The following AMPD3 variants were observed in gnomAD, a reference collection of about 807,000 sequenced individuals.
AMPD3 encodes adenosine monophosphate deaminase 3, also known as AMP deaminase 3.
A neutral mutation model predicts 82.3 loss-of-function variants in AMPD3; 57 were observed. That is an observed-to-expected ratio of 0.69 (90% CI 0.56 to 0.86). AMPD3 has a LOEUF of 0.86. Among genes scored for constraint, AMPD3 ranks in the 40% least tolerant of loss-of-function variants. AMPD3 has a pLI of 0.00. For synonymous variants in AMPD3, 381 were observed against 394.7 expected, an observed-to-expected ratio of 0.97 and a Z score of 0.41; for missense variants, 870 against 1,003.8, an observed-to-expected ratio of 0.87 and a Z score of 1.80.
At chr11:10,467,328 C>G (rs6484302) in intron 2 of AMPD3, among the ~76,000 whole-genome samples, 2 of 151,884 alleles carry the variant, frequency 1.3e-5, no homozygotes, top group East Asian at 3.9e-4. Context: ...CATAAATGAC[C>G]TGATGGAGCA....
chr11:10,483,094 G>T (rs1564847944), intron 4 of AMPD3, among the ~76,000 whole-genome samples: 1 of 152,186 alleles, frequency 6.6e-6, no homozygotes, highest in Non-Finnish European at 1.5e-5. Context: ...GGATTAAACA[G>T]GAGAATGCAT....
In AMPD3 at chr11:10,507,261, G is replaced by T. The variant is rs554292702; in HGVS notation, c.*1377G>T. On this transcript the variant is annotated 3_prime_UTR_variant, in exon 15 of 15. Transcript: ENST00000396553. ...TTTTGAATCATTATAGTTAGAAGAA[G>T]AATCCAGTTTCTGCCTGTGAACTTA... 1.2e-4 allele frequency: 18 copies of T among 152,098 alleles called. No homozygotes were observed. The highest frequency in any genetic ancestry group is 6.5e-4 in the Admixed American group (10 of 15,280). 9.4% of individuals were successfully genotyped at this position (152,098 alleles called of 1,614,324 possible). A position where few individuals can be genotyped will look rare whatever the true frequency, so the allele number is the denominator to read the frequency against.
At position 10,485,057 on chromosome 11, in the gene AMPD3, C is replaced by T. The variant is rs757422669; in HGVS notation, c.809+18C>T. On this transcript the variant is annotated intron_variant, in intron 5 of 14. Coordinates refer to ENST00000396553, the MANE Select transcript of AMPD3 (RefSeq NM_001025389.2). ...GGCCCCACGTAAGCTAGCTTCTCCGCGGCTGCCTGTCTTTGCACAGGTGCT... is the reference window on the plus strand; with the variant it reads ...GGCCCCACGTAAGCTAGCTTCTCCGTGGCTGCCTGTCTTTGCACAGGTGCT... 31 of 1,604,284 alleles carry T rather than the reference C, an allele frequency of 1.9e-5. No individual in the cohort carries two copies. The highest frequency in any genetic ancestry group is 2.0e-4 in the Middle Eastern group (1 of 5,092).
At chr11:10,487,079 G>T (rs1368115395) in intron 5 of AMPD3, 156 bp from the exon 6 acceptor site, 3 of 958,782 alleles carry the variant, frequency 3.1e-6, no homozygotes, top group South Asian at 4.8e-5. Context: ...TGACTCAACA[G>T]TTCAGCAGGG....
intron 1 of AMPD3, chr11:10,460,846 G>C: frequency 1.0e-6 from 1 of 975,334 alleles, no homozygotes. Flanking sequence ...TAAGGAATCA[G>C]TATGCGAGGA....
chr11:10,469,328 C>G (rs1257995836), intron 2 of AMPD3, among the ~76,000 whole-genome samples: 1 of 152,050 alleles, frequency 6.6e-6, no homozygotes, highest in Non-Finnish European at 1.5e-5. Context: ...CCACTGATCC[C>G]ACAGAAATAC....
At chr11:10,491,223 G>A (rs192457673) in intron 6 of AMPD3, among the ~76,000 whole-genome samples, 40 of 152,226 alleles carry the variant, frequency 2.6e-4, no homozygotes, top group Admixed American at 2.0e-3. Flanking sequence ...GTCCTCCCCC[G>A]GAGCTCCCAT....
At chr11:10,491,146 C>T (rs865900952) in intron 6 of AMPD3, among the ~76,000 whole-genome samples, 22 of 152,206 alleles carry the variant, frequency 1.4e-4, no homozygotes, top group African/African-American at 3.6e-4. Context: ...AGCGCCCAGT[C>T]GGCCGCAGCA....
intron 14 of AMPD3, among the ~76,000 whole-genome samples, chr11:10,504,882 C>T (rs1278061136): frequency 6.6e-6 from 1 of 152,220 alleles, no homozygotes; most frequent in African/African-American, 2.4e-5. Context: ...CCCTGATCGC[C>T]CATTCTAAAA....
At chr11:10,458,398 G>C (rs1848165039) in intron 1 of AMPD3, among the ~76,000 whole-genome samples, 1 of 151,796 alleles carries the variant, frequency 6.6e-6, no homozygotes, top group African/African-American at 2.4e-5. Flanking sequence ...TTTTCATAGA[G>C]TCTTAAGTCT....
At chr11:10,465,001 C>G (rs1421919877) in intron 2 of AMPD3, among the ~76,000 whole-genome samples, 1 of 152,200 alleles carries the variant, frequency 6.6e-6, no homozygotes, top group African/African-American at 2.4e-5. Flanking sequence ...AGCCCTGTCA[C>G]TTACTACTGA....
At chr11:10,481,896 G>C (rs898529818) in intron 3 of AMPD3, 167 bp from the exon 4 acceptor site, 11 of 792,730 alleles carry the variant, frequency 1.4e-5, no homozygotes, top group Non-Finnish European at 2.4e-5. Context: ...TGTACAAGTA[G>C]TTTAGGTGCA....
At chr11:10,461,869 C>A in intron 2 of AMPD3, 129 bp downstream of exon 2, 1 of 870,676 alleles carries the variant, frequency 1.1e-6, no homozygotes, top group Non-Finnish European at 1.9e-6. Flanking sequence ...GGTTCCTTAA[C>A]CAAGACCACT....
chr11:10,505,088 T>G (rs759193603), intron 14 of AMPD3: 50 of 983,868 alleles, frequency 5.1e-5, no homozygotes, highest in Admixed American at 6.2e-5. Flanking sequence ...CAATATTTCT[T>G]GAATAGATGA....
Position 10,455,366 on chromosome 11 carries a change from G to T in AMPD3, c.-88G>T, listed in dbSNP as rs28403593. The T allele has an allele frequency of 0.19, 187,413 of 985,312 alleles. 18,657 individuals carry two copies. Among genetic ancestry groups the T allele is most frequent in the Non-Finnish European group, 0.2 (166,769 of 829,944 alleles). The allele number at this position is 985,312 out of a possible 1,614,324, so 61.0% of individuals were successfully genotyped here. A position where few individuals can be genotyped will look rare whatever the true frequency, so the allele number is the denominator to read the frequency against. On this transcript the variant is annotated 5_prime_UTR_variant, in exon 1 of 15. Coordinates refer to ENST00000396553, the MANE Select transcript of AMPD3 (RefSeq NM_001025389.2). Reference sequence around the variant, plus strand: ...GGATTGCTCCTGTGGGTCACTTGAGGCAGGCTCCACCTTCCCCAGGAGGAG... The same window carrying T: ...GGATTGCTCCTGTGGGTCACTTGAGTCAGGCTCCACCTTCCCCAGGAGGAG...
intron 2 of AMPD3, chr11:10,473,637 T>G: frequency 6.2e-6 from 6 of 973,174 alleles, no homozygotes; most frequent in Non-Finnish European, 7.3e-6. Context: ...GAGTGATCTC[T>G]GTGCGCCCCT....
At chr11:10,466,639 C>T (rs953437374) in intron 2 of AMPD3, among the ~76,000 whole-genome samples, 1 of 152,220 alleles carries the variant, frequency 6.6e-6, no homozygotes, top group Non-Finnish European at 1.5e-5. Context: ...ATGTCCCTGC[C>T]TGACAGCTCT....
chr11:10,463,829 T>C (rs1037477899), intron 2 of AMPD3, among the ~76,000 whole-genome samples: 1 of 152,218 alleles, frequency 6.6e-6, no homozygotes, highest in Non-Finnish European at 1.5e-5. Context: ...TTAGTTTGCA[T>C]CTGTCTGCGC....
chr11:10,506,177 G>T lies in AMPD3; in HGVS notation c.*293G>T. ...TCTTGAAACTGCCAGTGCCTGAACT[G>T]TTGGGGCCAGGATTTTCCCTGGTCA... On this transcript the variant is annotated 3_prime_UTR_variant, in exon 15 of 15. Transcript: ENST00000396553. The surrounding 1 kb of genome is among the most constrained non-coding windows in gnomAD (Gnocchi z 4.1). 2.4e-6 allele frequency: 1 copy of T among 422,068 alleles called. No individual in the cohort carries two copies. Among genetic ancestry groups the T allele is most frequent in the Non-Finnish European group, 4.4e-6 (1 of 226,360 alleles). 26.1% of individuals were successfully genotyped at this position (422,068 alleles called of 1,614,324 possible).
Sources: allele counts gnomAD v4.1 joint callset (sites outside exome capture counted in the v4.1 genomes callset), GRCh38; gene constraint gnomAD v4.1.1; non-coding constraint Gnocchi (gnomAD v3.1); transcripts MANE v1.5; gene names NCBI Gene and HGNC (gene_info 2026-07-23, HGNC 2026-07-21).